MINDY3: variants seen among roughly 807,000 people sequenced by gnomAD.
MINDY3 encodes MINDY lysine 48 deubiquitinase 3, also known as ubiquitin carboxyl-terminal hydrolase MINDY-3.
MINDY3 carries 38 observed loss-of-function variants against 69.2 expected under a neutral mutation model. The observed-to-expected ratio is 0.55, with a 90% CI of 0.42 to 0.72. The LOEUF (loss-of-function observed/expected upper bound fraction) is 0.72. MINDY3 is among the 30% of genes least tolerant of loss of function. The pLI, the probability that MINDY3 is intolerant of heterozygous loss-of-function variation, is 0.00. For synonymous variants in MINDY3, 192 were observed against 180.1 expected (o/e 1.07, Z -0.53); for missense variants, 522 against 519.0 (o/e 1.01, Z -0.06).
At chr10:15,795,021 C>A (rs910102898) in intron 11 of MINDY3, among the ~76,000 whole-genome samples, 1 of 151,754 alleles carries the variant, frequency 6.6e-6, no homozygotes, top group African/African-American at 2.4e-5. Context: ...ACTGTGGTTC[C>A]AAAATCTTCA....
intron 9 of MINDY3, 112 bp downstream of exon 9, chr10:15,821,544 G>T: frequency 1.4e-6 from 1 of 706,980 alleles, no homozygotes. Flanking sequence ...AGAAGAGAGC[G>T]GTACTGAACC....
chr10:15,812,221 A>T (rs1839053192), intron 10 of MINDY3, among the ~76,000 whole-genome samples: 1 of 152,154 alleles, frequency 6.6e-6, no homozygotes, highest in South Asian at 2.1e-4. Context: ...GATTACAGGC[A>T]TGAGCCCCTG....
intron 8 of MINDY3, among the ~76,000 whole-genome samples, chr10:15,831,117 G>T (rs1840427988): frequency 6.6e-6 from 1 of 152,198 alleles, no homozygotes; most frequent in Admixed American, 6.5e-5. Flanking sequence ...AGATAAAGAG[G>T]AGAAGGGATT....
intron 10 of MINDY3, among the ~76,000 whole-genome samples, chr10:15,797,415 C>A (rs1350255922): frequency 6.6e-6 from 1 of 152,152 alleles, no homozygotes. Context: ...CCCTTCACTG[C>A]ATTTCCAACA....
chr10:15,823,442 T>A (rs1454384272), intron 8 of MINDY3, among the ~76,000 whole-genome samples: 1 of 152,202 alleles, frequency 6.6e-6, no homozygotes, highest in Non-Finnish European at 1.5e-5. Flanking sequence ...TATATGAAGA[T>A]CCGGCTGTCT....
Position 15,837,309 on chromosome 10 carries a change from C to A in MINDY3, c.471G>T (p.Ser157=), listed in dbSNP as rs142665795. The A allele has an allele frequency of 1.3e-6, 2 of 1,590,916 alleles. No individual in the cohort carries two copies. Among genetic ancestry groups the A allele is most frequent in the Non-Finnish European group, 1.7e-6 (2 of 1,168,202 alleles). The change falls in exon 6 of 15, where the codon TCG becomes TCT. Residue 157 remains serine, a synonymous_variant. Transcript: ENST00000277632. ...CTTTTAATTCTGGTAAACTTCTGAA[C>A]GATCTTTTTCTGGGGGAAAAAAAGA... is the stretch of plus-strand genomic sequence containing the variant. ...ERFHALIQKR[S]FRSLPELKDA...
intron 2 of MINDY3, among the ~76,000 whole-genome samples, chr10:15,845,779 T>G (rs1206068447): frequency 2.0e-5 from 3 of 151,122 alleles, no homozygotes; most frequent in African/African-American, 4.9e-5. Context: ...AGTGCTGGGC[T>G]TACAGGTGTG....
At chr10:15,821,407 T>G (rs573624116) in intron 9 of MINDY3, among the ~76,000 whole-genome samples, 1 of 152,334 alleles carries the variant, frequency 6.6e-6, no homozygotes, top group African/African-American at 2.4e-5. Context: ...TTTTGAATTA[T>G]TTTGTACTGG....
intron 9 of MINDY3, among the ~76,000 whole-genome samples, chr10:15,820,945 A>C (rs1839714743): frequency 6.6e-6 from 1 of 152,100 alleles, no homozygotes; most frequent in Non-Finnish European, 1.5e-5. Flanking sequence ...CCCTGTCTCT[A>C]TTTAAAAAAA....
At chr10:15,832,968 G>A (rs542852915) in intron 8 of MINDY3, among the ~76,000 whole-genome samples, 1 of 152,306 alleles carries the variant, frequency 6.6e-6, no homozygotes, top group Admixed American at 6.5e-5. Context: ...GAGGCACACT[G>A]TGGTTACTTA....
At chr10:15,784,691 C>T (rs1363839244) in intron 13 of MINDY3, among the ~76,000 whole-genome samples, 2 of 152,210 alleles carry the variant, frequency 1.3e-5, no homozygotes, top group South Asian at 2.1e-4. Flanking sequence ...GAGCTGAGAT[C>T]GTGCCACTGC....
chr10:15,825,110 T>C (rs1840004532), intron 8 of MINDY3, among the ~76,000 whole-genome samples: 1 of 152,150 alleles, frequency 6.6e-6, no homozygotes, highest in South Asian at 2.1e-4. Flanking sequence ...GTATTCCTAA[T>C]CTGAAAATCT....
chr10:15,816,284 A>AAAAAAAAAAAAAAAAAAAAC (rs1839363560), intron 10 of MINDY3, among the ~76,000 whole-genome samples: 1 of 140,824 alleles, frequency 7.1e-6, no homozygotes, highest in African/African-American at 3.2e-5. Context: ...AAAAAAATGA[A>AAAAAAAAAAAAAAAAAAAAC]AAAGAAAAAA....
At chr10:15,831,080 T>G (rs1418591120) in intron 8 of MINDY3, among the ~76,000 whole-genome samples, 6 of 151,190 alleles carry the variant, frequency 4.0e-5, no homozygotes, top group Non-Finnish European at 3.0e-5. Context: ...CAGCTGAGAG[T>G]GAGTGGGCAG....
At chr10:15,791,503 A>G (rs1204337002) in intron 11 of MINDY3, among the ~76,000 whole-genome samples, 1 of 151,944 alleles carries the variant, frequency 6.6e-6, no homozygotes, top group Non-Finnish European at 1.5e-5. Flanking sequence ...TAAATTAACT[A>G]CATAGATATC....
intron 10 of MINDY3, among the ~76,000 whole-genome samples, chr10:15,801,101 C>CTTAA (rs1838225453): frequency 6.6e-6 from 1 of 152,044 alleles, no homozygotes; most frequent in Non-Finnish European, 1.5e-5. Flanking sequence ...TTCTCAGAAA[C>CTTAA]CATTAAGAAA....
intron 6 of MINDY3, among the ~76,000 whole-genome samples, chr10:15,835,193 A>G (rs1418038268): frequency 2.0e-5 from 3 of 152,080 alleles, no homozygotes; most frequent in South Asian, 2.1e-4. Context: ...CTTAAAAACC[A>G]ATTTCCTGAT....
At chr10:15,817,076 G>A in intron 9 of MINDY3, 161 bp from the exon 10 acceptor site, 1 of 604,106 alleles carries the variant, frequency 1.7e-6, no homozygotes, top group Non-Finnish European at 2.9e-6. Context: ...AATGCTGAAT[G>A]TAAAAATGAG....
rs967395437 is a variant in MINDY3, at chr10:15,821,566, C to T, written c.801+90G>A. 1.4e-5 allele frequency: 13 copies of T among 947,774 alleles called. No individual in the cohort carries two copies. In the African/African-American group the frequency reaches 2.1e-4, roughly 15 times the overall value. 58.7% of individuals were successfully genotyped at this position (947,774 alleles called of 1,614,324 possible). On this transcript the variant is annotated intron_variant, in intron 9 of 14. Transcript: ENST00000277632. ...AGCGGTACTGAACCATAGTGCTGTG[C>T]TCAAATGTGCTGTCAGAGGAACAAA...
Sources: gnomAD v4.1 joint callset for allele counts (sites outside exome capture counted in the v4.1 genomes callset) on GRCh38, gnomAD v4.1.1 for gene constraint, MANE v1.5 for transcripts, NCBI Gene and HGNC (gene_info 2026-07-23, HGNC 2026-07-21) for gene names.